Variants in UVRAG observed in about 807,000 individuals in gnomAD.
UVRAG encodes the protein UV radiation resistance associated, also known as UV radiation resistance-associated gene protein.
UVRAG carries 19 observed loss-of-function variants against 78.0 expected under a neutral mutation model. The observed-to-expected ratio is 0.24, with a 90% CI of 0.17 to 0.36. The LOEUF (loss-of-function observed/expected upper bound fraction) is 0.36. Among genes scored for constraint, UVRAG ranks in the 10% least tolerant of loss-of-function variants. The pLI, the probability that UVRAG is intolerant of heterozygous loss-of-function variation, is 1.00. For missense variants in UVRAG, 740 were observed against 853.8 expected, an observed-to-expected ratio of 0.87 and a Z score of 1.66; for synonymous variants, 323 against 324.6, an observed-to-expected ratio of 1.00 and a Z score of 0.05.
intron 6 of UVRAG, among the ~76,000 whole-genome samples, chr11:75,929,554 A>G (rs560578010): frequency 9.8e-5 from 15 of 152,346 alleles, no homozygotes; most frequent in African/African-American, 2.6e-4. Context: ...TCTTGGCCTC[A>G]GCGTGCTCAG....
chr11:76,072,728 A>G (rs972234220), intron 13 of UVRAG, among the ~76,000 whole-genome samples: 7 of 152,266 alleles, frequency 4.6e-5, no homozygotes, highest in Admixed American at 1.3e-4. Flanking sequence ...GAAGAGAGCT[A>G]TACTGAAACT....
intron 3 of UVRAG, among the ~76,000 whole-genome samples, chr11:75,865,110 A>C (rs1280081643): frequency 1.3e-5 from 2 of 152,068 alleles, no homozygotes; most frequent in Non-Finnish European, 2.9e-5. Context: ...CAACATGGAG[A>C]ATCCCCATCT....
chr11:76,053,893 C>A (rs1432358902), intron 12 of UVRAG, among the ~76,000 whole-genome samples: 1 of 149,148 alleles, frequency 6.7e-6, no homozygotes, highest in Non-Finnish European at 1.5e-5. Context: ...TCATTTGAAC[C>A]TGGGAAGCGG....
chr11:76,086,965 A>T (rs1217573578), intron 13 of UVRAG, among the ~76,000 whole-genome samples: 2 of 152,210 alleles, frequency 1.3e-5, no homozygotes, highest in Admixed American at 1.3e-4. Flanking sequence ...AGCTAGTCAT[A>T]CCTTTTTATT....
intron 3 of UVRAG, 133 bp from the exon 4 acceptor site, chr11:75,879,746 G>T: frequency 8.7e-7 from 1 of 1,146,666 alleles, no homozygotes; most frequent in Non-Finnish European, 1.2e-6. Flanking sequence ...TGTCTTCTTG[G>T]CTTACTTAAG....
At chr11:75,847,181 G>A (rs1365099620) in intron 1 of UVRAG, among the ~76,000 whole-genome samples, 3 of 151,628 alleles carry the variant, frequency 2.0e-5, no homozygotes, top group Non-Finnish European at 2.9e-5. Flanking sequence ...AGGCTGGAGT[G>A]CAGTGGCGTG....
chr11:76,127,117 G>C (rs529618810), intron 14 of UVRAG, among the ~76,000 whole-genome samples: 2 of 152,284 alleles, frequency 1.3e-5, no homozygotes, highest in East Asian at 3.9e-4. Flanking sequence ...TTCTCTACTA[G>C]AGTGGGAACT....
At chr11:76,137,719 T>A (rs955206697) in intron 14 of UVRAG, 5 of 305,852 alleles carry the variant, frequency 1.6e-5, no homozygotes, top group Non-Finnish European at 1.9e-5. Context: ...TGCAAGATGA[T>A]GAGATCCTGT....
chr11:76,033,357 C>T (rs1950472226), intron 12 of UVRAG, among the ~76,000 whole-genome samples: 1 of 152,124 alleles, frequency 6.6e-6, no homozygotes, highest in Non-Finnish European at 1.5e-5. Flanking sequence ...TATTTGTATA[C>T]TGATAAATGA....
chr11:75,978,648 A>G (rs1389008435), intron 7 of UVRAG, among the ~76,000 whole-genome samples: 2 of 152,166 alleles, frequency 1.3e-5, no homozygotes, highest in African/African-American at 4.8e-5. Context: ...CCTTTCTTCC[A>G]GTTGATCGAA....
chr11:75,820,316 A>G (rs1945358035), intron 1 of UVRAG, among the ~76,000 whole-genome samples: 2 of 151,928 alleles, frequency 1.3e-5, no homozygotes. Context: ...AGAAGATAGT[A>G]CAGAAAGTTC....
At chr11:75,972,938 A>C (rs1949153563) in intron 7 of UVRAG, among the ~76,000 whole-genome samples, 1 of 151,998 alleles carries the variant, frequency 6.6e-6, no homozygotes, top group African/African-American at 2.4e-5. Flanking sequence ...TTTGTTTGTC[A>C]ATTCTTTTGG....
intron 13 of UVRAG, among the ~76,000 whole-genome samples, chr11:76,075,337 G>A (rs763208897): frequency 3.9e-5 from 6 of 152,162 alleles, no homozygotes; most frequent in African/African-American, 9.7e-5. Flanking sequence ...CAGGCCAGGC[G>A]TGGTGGCTCA....
intron 3 of UVRAG, among the ~76,000 whole-genome samples, chr11:75,877,822 G>T (rs1444814362): frequency 7.5e-6 from 1 of 132,608 alleles, no homozygotes; most frequent in Non-Finnish European, 1.6e-5. Context: ...GGGCAGAGGC[G>T]CCCCTCACCT....
chr11:75,939,669 A>G (rs1046795329), intron 6 of UVRAG, among the ~76,000 whole-genome samples: 3 of 152,172 alleles, frequency 2.0e-5, no homozygotes, highest in African/African-American at 7.2e-5. Context: ...TTTGCTTATC[A>G]GTGATTAAAA....
chr11:76,026,851 T>G (rs755061847), intron 12 of UVRAG, among the ~76,000 whole-genome samples: 124 of 152,236 alleles, frequency 8.1e-4, no homozygotes, highest in Admixed American at 2.8e-3. Flanking sequence ...GATTTTCCAC[T>G]TGATTACAGG....
chr11:75,917,270 T>G (rs1356506108), intron 6 of UVRAG, among the ~76,000 whole-genome samples: 1 of 152,252 alleles, frequency 6.6e-6, no homozygotes, highest in Non-Finnish European at 1.5e-5. Flanking sequence ...TGGTTTTACT[T>G]TCAAAGTTGC....
intron 7 of UVRAG, among the ~76,000 whole-genome samples, chr11:75,974,557 G>C (rs1455352784): frequency 4.6e-5 from 7 of 151,052 alleles, no homozygotes; most frequent in East Asian, 1.9e-4. Flanking sequence ...TAGTAGAGAT[G>C]GGGTTTCACC....
chr11:75,975,967 A>C (rs1476604481), intron 7 of UVRAG, among the ~76,000 whole-genome samples: 1 of 152,200 alleles, frequency 6.6e-6, no homozygotes, highest in Non-Finnish European at 1.5e-5. Context: ...GAATGGTTCC[A>C]GTTTTTGTCC....
Sources: gnomAD v4.1 joint callset for allele counts (sites outside exome capture counted in the v4.1 genomes callset) on GRCh38, gnomAD v4.1.1 for gene constraint, MANE v1.5 for transcripts, NCBI Gene and HGNC (gene_info 2026-07-23, HGNC 2026-07-21) for gene names.